The following CACNB4 variants were observed in gnomAD, a reference collection of about 807,000 sequenced individuals.
The protein encoded by CACNB4 is calcium voltage-gated channel auxiliary subunit beta 4, also known as voltage-dependent L-type calcium channel subunit beta-4.
Under a neutral mutation model 71.2 loss-of-function variants are expected in CACNB4, and 32 were observed. The observed-to-expected ratio is 0.45, with a 90% CI of 0.34 to 0.60. The LOEUF (loss-of-function observed/expected upper bound fraction) is 0.60. Ranked by LOEUF, CACNB4 falls within the 20% of genes least tolerant of loss-of-function variation. The pLI is 0.01. For synonymous variants in CACNB4, 231 were observed against 236.9 expected (o/e 0.97, Z 0.23); for missense variants, 464 against 647.9 (o/e 0.72, Z 3.08).
At chr2:152,033,922 T>G (rs965541739) in intron 2 of CACNB4, among the ~76,000 whole-genome samples, 3 of 152,226 alleles carry the variant, frequency 2.0e-5, no homozygotes, top group Admixed American at 2.0e-4. Context: ...ATTAACAAGA[T>G]GCAGGTAGTT....
At chr2:151,974,924 G>A (rs1380828372) in intron 2 of CACNB4, among the ~76,000 whole-genome samples, 2 of 151,938 alleles carry the variant, frequency 1.3e-5, no homozygotes, top group African/African-American at 4.8e-5. Context: ...GAGGAGCACA[G>A]AACATATTTT....
At chr2:152,083,974 C>T (rs1272780513) in intron 2 of CACNB4, among the ~76,000 whole-genome samples, 3 of 152,206 alleles carry the variant, frequency 2.0e-5, no homozygotes, top group African/African-American at 7.2e-5. Context: ...TGCTCCACCT[C>T]CACCACAAGT....
intron 2 of CACNB4, among the ~76,000 whole-genome samples, chr2:151,939,454 G>A (rs951957729): frequency 6.6e-5 from 10 of 152,146 alleles, no homozygotes; most frequent in Non-Finnish European, 1.5e-4. Context: ...CAGACAAGGG[G>A]ATCAGACCTG....
rs550257995 is a variant in CACNB4, at chr2:151,971,463, A to T, written c.148-88093T>A. 4.3e-6 allele frequency: 3 copies of T among 702,228 alleles called. No individual in the cohort carries two copies. In the South Asian group the frequency reaches 4.4e-5, roughly 10 times the overall value. 43.5% of individuals were successfully genotyped at this position (702,228 alleles called of 1,614,324 possible). On this transcript the variant is annotated intron_variant, in intron 2 of 13. Transcript: ENST00000539935. ...ATATATTCTCGGACTGCAGCTAGCC[A>T]TCTGAGAAAAGCCTTTCCACGCCTA...
chr2:152,030,417 T>C (rs541649081), intron 2 of CACNB4, among the ~76,000 whole-genome samples: 1 of 152,384 alleles, frequency 6.6e-6, no homozygotes, highest in South Asian at 2.1e-4. Flanking sequence ...CTCATAATTT[T>C]AGAAAATTTT....
intron 2 of CACNB4, among the ~76,000 whole-genome samples, chr2:152,007,404 C>T (rs920004733): frequency 4.6e-5 from 7 of 152,214 alleles, no homozygotes; most frequent in African/African-American, 1.7e-4. Flanking sequence ...CTGGCAACCA[C>T]TATTAGAATT....
At chr2:151,971,827 C>T (rs544742965) in intron 2 of CACNB4, 20 of 539,672 alleles carry the variant, frequency 3.7e-5, no homozygotes, top group African/African-American at 2.7e-4. Flanking sequence ...CTCCCATACT[C>T]TCAACTGAGG....
chr2:151,966,663 C>T (rs1351930974), intron 2 of CACNB4, among the ~76,000 whole-genome samples: 3 of 152,136 alleles, frequency 2.0e-5, no homozygotes, highest in Non-Finnish European at 4.4e-5. Context: ...TTGGGGATTA[C>T]TGAATTCTTT....
intron 12 of CACNB4, chr2:151,850,982 C>A (rs985513035): frequency 6.6e-6 from 1 of 152,170 alleles, no homozygotes; most frequent in East Asian, 1.9e-4. Context: ...TTTTTCAGAG[C>A]TCCTATAGGC....
chr2:151,972,069 C>CAAAAAAAAA (rs56104858), intron 2 of CACNB4: 3 of 110,770 alleles, frequency 2.7e-5, no homozygotes, highest in African/African-American at 1.1e-4. Context: ...GACCCAAAGG[C>CAAAAAAAAA]AAAAAAAAAA....
At chr2:152,064,411 C>T (rs143952624) in intron 2 of CACNB4, among the ~76,000 whole-genome samples, 2,557 of 152,320 alleles carry the variant, frequency 0.017, 80 homozygotes, top group African/African-American at 0.057. Flanking sequence ...GACGGAGTCT[C>T]GCTCTGTCAC....
At chr2:152,036,338 C>CT (rs1684591874) in intron 2 of CACNB4, among the ~76,000 whole-genome samples, 1 of 152,172 alleles carries the variant, frequency 6.6e-6, no homozygotes, top group African/African-American at 2.4e-5. Context: ...CTTGCTCTGT[C>CT]TCCCAGGCAG....
Position 151,870,527 on chromosome 2 carries a change from G to C in CACNB4, c.699+4C>G. Reference sequence around the variant, plus strand: ...AACTGAAGAGTAACAGATGATATTTGTACCTCGTAACCTTTCAGTGACGGC... The same window carrying C: ...AACTGAAGAGTAACAGATGATATTTCTACCTCGTAACCTTTCAGTGACGGC... On this transcript the variant is annotated splice_donor_region_variant and intron_variant, in intron 8 of 13. Transcript: ENST00000539935. The C allele has an allele frequency of 1.2e-6, 2 of 1,610,438 alleles. No individual in the cohort carries two copies. The highest frequency in any genetic ancestry group is 1.3e-5 in the African/African-American group (1 of 74,958).
intron 2 of CACNB4, among the ~76,000 whole-genome samples, chr2:152,067,743 G>A (rs532076142): frequency 2.0e-5 from 3 of 152,232 alleles, no homozygotes; most frequent in South Asian, 2.1e-4. Flanking sequence ...AGCAATCATC[G>A]CAGGCATACA....
At chr2:151,883,883 T>G (rs1013196125) in intron 2 of CACNB4, 1 of 201,964 alleles carries the variant, frequency 5.0e-6, no homozygotes, top group Non-Finnish European at 1.0e-5. Flanking sequence ...CTTTCACTAC[T>G]AAAACTTCAA....
chr2:151,884,327 A>T (rs527634217), intron 2 of CACNB4, among the ~76,000 whole-genome samples: 32 of 145,570 alleles, frequency 2.2e-4, no homozygotes, highest in South Asian at 8.7e-4. Flanking sequence ...AAATAAAAAT[A>T]AAAAAATTAA....
intron 2 of CACNB4, among the ~76,000 whole-genome samples, chr2:151,930,775 T>C (rs1267755277): frequency 1.3e-5 from 2 of 152,190 alleles, no homozygotes; most frequent in Non-Finnish European, 2.9e-5. Context: ...TTTTTACATA[T>C]GTATGTATAT....
chr2:151,943,970 CCT>C (rs990716124), intron 2 of CACNB4, among the ~76,000 whole-genome samples: 6 of 151,976 alleles, frequency 3.9e-5, no homozygotes, highest in African/African-American at 9.7e-5. Context: ...AAAAATTGCC[CCT>C]GAATGATGGT....
intron 2 of CACNB4, among the ~76,000 whole-genome samples, chr2:151,965,604 A>G (rs1015367741): frequency 6.6e-6 from 1 of 152,256 alleles, no homozygotes; most frequent in Non-Finnish European, 1.5e-5. Context: ...AAATATTTTT[A>G]TATCAATACT....
Sources: allele counts gnomAD v4.1 joint callset (sites outside exome capture counted in the v4.1 genomes callset), GRCh38; gene constraint gnomAD v4.1.1; transcripts MANE v1.5; gene names NCBI Gene and HGNC (gene_info 2026-07-23, HGNC 2026-07-21).